Variants in TBC1D16 observed in about 807,000 individuals in gnomAD.
TBC1D16 encodes the protein TBC1 domain family member 16, also known as CTD-2529O21.1.
Under a neutral mutation model 74.7 loss-of-function variants are expected in TBC1D16, and 58 were observed. The ratio of observed to expected loss-of-function variants is 0.78; its 90% CI spans 0.63 to 0.97. The LOEUF (loss-of-function observed/expected upper bound fraction) is 0.97, where lower values mean the gene tolerates loss of function less well. Ranked by LOEUF, TBC1D16 falls within the 50% of genes least tolerant of loss-of-function variation. TBC1D16 has a pLI of 0.00. For synonymous variants in TBC1D16, 493 were observed against 474.7 expected (o/e 1.04, Z -0.50); for missense variants, 1,014 against 1,079.5 (o/e 0.94, Z 0.85).
chr17:79,948,993 G>A lies in TBC1D16; in HGVS notation c.1420C>T (p.Pro474Ser), dbSNP rs1237182180. 1.2e-6 allele frequency: 2 copies of A among 1,614,118 alleles called. No individual in the cohort carries two copies. The highest frequency in any genetic ancestry group is 1.7e-5 in the Admixed American group (1 of 60,030). The change falls in exon 8 of 12, where the codon CCC (proline) becomes TCC (serine). Residue 474 changes from proline (P) to serine (S), a missense_variant. Coordinates refer to ENST00000310924, the MANE Select transcript of TBC1D16 (RefSeq NM_019020.4). Reference protein sequence around the residue: ...EIQQKRLSMTPEEHRAFWRNV... With the variant: ...EIQQKRLSMTSEEHRAFWRNV... Reference sequence around the variant, plus strand: ...CGCCAGAACGCTCTGTGCTCCTCGGGAGTCATGGAGAGCCTGTGTGGAGCC... The same window carrying A: ...CGCCAGAACGCTCTGTGCTCCTCGGAAGTCATGGAGAGCCTGTGTGGAGCC...
At chr17:79,952,506 A>G in intron 4 of TBC1D16, 151 bp downstream of exon 4, 2 of 1,004,532 alleles carry the variant, frequency 2.0e-6, no homozygotes, top group South Asian at 2.3e-5. Context: ...ACTGCCCACA[A>G]GATCAGCGAG....
chr17:79,959,409 G>A (rs539028281), intron 3 of TBC1D16, among the ~76,000 whole-genome samples: 7 of 152,266 alleles, frequency 4.6e-5, no homozygotes, highest in Middle Eastern at 3.4e-3. Context: ...CCTAAAATTT[G>A]GAGCTAGTAT....
chr17:79,998,327 G>C (rs896828330), intron 3 of TBC1D16, among the ~76,000 whole-genome samples: 3 of 150,520 alleles, frequency 2.0e-5, no homozygotes, highest in Non-Finnish European at 4.4e-5. Context: ...TTTTCAGACT[G>C]GTGTTTTTTG....
At position 79,941,071 on chromosome 17, in the gene TBC1D16, G is replaced by A. The variant is rs775744964; in HGVS notation, c.2092C>T (p.Arg698Trp). 2.1e-5 allele frequency: 34 copies of A among 1,592,410 alleles called. No homozygotes were observed. The highest frequency in any genetic ancestry group is 2.9e-5 in the Non-Finnish European group (34 of 1,169,174). ...AGATCGTGCAGGCTGCAGGGGATCC[G>A]GGGCAGGAGGCGGAACTGGTACAGC... Reference protein sequence around the residue: ...SLLYQFRLLPRIPCSLHDLCK... With the variant: ...SLLYQFRLLPWIPCSLHDLCK... Residue 698 changes from arginine (R) to tryptophan (W), a missense_variant, in exon 12 of 12, where the codon CGG becomes TGG. Transcript: ENST00000310924. This position sits in a 1 kb window ranked among gnomAD's most constrained non-coding sequence, Gnocchi z 4.3.
chr17:80,018,907 A>G (rs971982470), intron 1 of TBC1D16, among the ~76,000 whole-genome samples: 1 of 150,088 alleles, frequency 6.7e-6, no homozygotes, highest in Non-Finnish European at 1.5e-5. Flanking sequence ...GGCCTATTTT[A>G]TGTCCTTAAA....
chr17:79,968,629 G>A (rs996795113), intron 3 of TBC1D16, among the ~76,000 whole-genome samples: 2 of 151,392 alleles, frequency 1.3e-5, no homozygotes, highest in Admixed American at 6.6e-5. Context: ...CGAGGCAGGT[G>A]GATCACGAGG....
Position 79,985,976 on chromosome 17 carries a change from G to A in TBC1D16, c.779+24184C>T, listed in dbSNP as rs375933168. 1.3e-3 allele frequency among the ~76,000 whole-genome samples: 202 copies of A among 152,284 alleles called. 6 individuals carry two copies. The South Asian group carries it at 0.041, about 31-fold the overall frequency. On this transcript the variant is annotated intron_variant, in intron 3 of 11. Coordinates refer to ENST00000310924, the MANE Select transcript of TBC1D16 (RefSeq NM_019020.4). This position sits in a 1 kb window ranked among gnomAD's most constrained non-coding sequence, Gnocchi z 4.9. ...GTTATGAAAAACCATTTTTCCCAAC[G>A]AAACTCTTCTGCCAGGCGGCATAAG...
intron 3 of TBC1D16, among the ~76,000 whole-genome samples, chr17:79,982,658 G>T (rs981718351): frequency 6.7e-6 from 1 of 149,752 alleles, no homozygotes; most frequent in Admixed American, 6.7e-5. Context: ...TTTGAGACCA[G>T]CCTGGCCAAC....
Position 79,953,189 on chromosome 17 carries a change from TA to T in TBC1D16, c.780-372del, listed in dbSNP as rs538196964. Among the ~76,000 whole-genome samples the T allele has an allele frequency of 5.6e-3, 845 of 152,220 alleles. 4 individuals are homozygous for T. Among genetic ancestry groups the T allele is most frequent in the Non-Finnish European group, 9.7e-3 (659 of 68,008 alleles). ...CCCATGGATAAAGAAGGCAGGAGAATAACAAGGCTGGGTTTCCCTACAGCGT... is the reference window on the plus strand; with the variant it reads ...CCCATGGATAAAGAAGGCAGGAGAATACAAGGCTGGGTTTCCCTACAGCGT... On this transcript the variant is annotated intron_variant, in intron 3 of 11. Transcript: ENST00000310924.
rs2034890638 is a variant in TBC1D16, at chr17:79,987,552, T to G, written c.779+22608A>C. Among the ~76,000 whole-genome samples the G allele has an allele frequency of 6.6e-6, 1 of 152,154 alleles. No individual in the cohort carries two copies. Among genetic ancestry groups the G allele is most frequent in the African/African-American group, 2.4e-5 (1 of 41,444 alleles). ...ATGAGTCATCATGCCTGACCTATTT[T>G]TAAACCAGAATAAGCAGGTACAGAA... On this transcript the variant is annotated intron_variant, in intron 3 of 11. Coordinates refer to ENST00000310924, the MANE Select transcript of TBC1D16 (RefSeq NM_019020.4). The surrounding 1 kb of genome is among the most constrained non-coding windows in gnomAD (Gnocchi z 5.2).
intron 1 of TBC1D16, among the ~76,000 whole-genome samples, chr17:80,033,746 C>A (rs918834204): frequency 1.3e-5 from 2 of 152,180 alleles, no homozygotes; most frequent in Non-Finnish European, 2.9e-5. Context: ...TGGACAGAGA[C>A]CAGTGCAATT....
At chr17:79,948,809 A>G in intron 8 of TBC1D16, 63 bp downstream of exon 8, 1 of 1,607,304 alleles carries the variant, frequency 6.2e-7, no homozygotes. Flanking sequence ...TCCACTTCCC[A>G]GAGCGGTCAG....
chr17:80,022,540 C>T (rs1299116645), intron 1 of TBC1D16, among the ~76,000 whole-genome samples: 2 of 149,308 alleles, frequency 1.3e-5, no homozygotes, highest in Non-Finnish European at 1.5e-5. Flanking sequence ...GAGTTCACCA[C>T]GTTGGCCAGG....
At chr17:80,020,012 A>G (rs557825101) in intron 1 of TBC1D16, among the ~76,000 whole-genome samples, 24 of 150,082 alleles carry the variant, frequency 1.6e-4, no homozygotes, top group Non-Finnish European at 3.2e-4. Flanking sequence ...CTTGAGGTCA[A>G]TATGACTGGT....
At chr17:79,945,201 C>G in intron 9 of TBC1D16, 114 bp from the exon 10 acceptor site, 2 of 1,160,660 alleles carry the variant, frequency 1.7e-6, no homozygotes, top group Non-Finnish European at 2.4e-6. Flanking sequence ...GAAAAGCACA[C>G]CCAGGGGCCT....
rs954715259 is a variant in TBC1D16 at position 79,954,554 on chromosome 17, C to T, written c.780-1736G>A. On this transcript the variant is annotated intron_variant, in intron 3 of 11. Transcript: ENST00000310924. The surrounding 1 kb of genome is among the most constrained non-coding windows in gnomAD (Gnocchi z 5.5). ...CACCTGAACTGCCGTGGCTGCGCCG[C>T]GGACGGGCCCAGAAGACCGAGGGCT... Among the ~76,000 whole-genome samples the T allele has an allele frequency of 1.3e-5, 2 of 152,242 alleles. No individual in the cohort carries two copies. Among genetic ancestry groups the T allele is most frequent in the Admixed American group, 6.5e-5 (1 of 15,306 alleles).
chr17:79,982,894 T>G (rs1269656695), intron 3 of TBC1D16, among the ~76,000 whole-genome samples: 1 of 152,154 alleles, frequency 6.6e-6, no homozygotes, highest in Non-Finnish European at 1.5e-5. Context: ...AGGCAAGAAT[T>G]GGGATGTTAC....
chr17:80,030,334 G>A (rs527543339), intron 1 of TBC1D16, among the ~76,000 whole-genome samples: 18 of 152,052 alleles, frequency 1.2e-4, no homozygotes, highest in Non-Finnish European at 2.1e-4. Flanking sequence ...GATGAGGACC[G>A]AGGCCTAGAA....
intron 3 of TBC1D16, among the ~76,000 whole-genome samples, chr17:79,965,334 G>C (rs149906991): frequency 0.031 from 4,703 of 151,946 alleles, 245 homozygotes; most frequent in African/African-American, 0.11. Context: ...CGCCTGCCTC[G>C]GCCTCCCAAA....
Sources: gnomAD v4.1 joint callset for allele counts (sites outside exome capture counted in the v4.1 genomes callset) on GRCh38, gnomAD v4.1.1 for gene constraint, Gnocchi (gnomAD v3.1) non-coding constraint, MANE v1.5 for transcripts, NCBI Gene and HGNC (gene_info 2026-07-23, HGNC 2026-07-21) for gene names.